The following MTCL1 variants were observed in gnomAD, a reference collection of about 807,000 sequenced individuals.
MTCL1 encodes the protein microtubule cross-linking factor 1.
In MTCL1, 79 loss-of-function variants were observed where a neutral mutation model predicts 141.4. The observed-to-expected ratio is 0.56, with a 90% CI of 0.47 to 0.67. MTCL1 has a LOEUF of 0.67. Ranked by LOEUF, MTCL1 falls within the 30% of genes least tolerant of loss-of-function variation. The pLI is 0.00. For synonymous variants in MTCL1, 914 were observed against 875.8 expected, an observed-to-expected ratio of 1.04 and a Z score of -0.77; for missense variants, 2,177 against 2,113.9, an observed-to-expected ratio of 1.03 and a Z score of -0.59.
At chr18:8,723,398 G>T (rs898390584) in intron 4 of MTCL1, among the ~76,000 whole-genome samples, 2 of 152,166 alleles carry the variant, frequency 1.3e-5, no homozygotes, top group Non-Finnish European at 2.9e-5. Context: ...ACTTTTTGTT[G>T]TTCACCTCTG....
exon 15 of MTCL1, chr18:8,825,670 C>T: frequency 1.2e-6 from 2 of 1,613,868 alleles, no homozygotes; most frequent in Non-Finnish European, 1.7e-6. Context: ...ACATGCTGCT[C>T]CCCCAAGTAT....
At chr18:8,798,175 G>A (rs1281351872) in exon 10 of MTCL1, 5 of 1,599,218 alleles carry the variant, frequency 3.1e-6, no homozygotes, top group African/African-American at 2.7e-5. Context: ...CCCAGACCAC[G>A]ACAGTGACCG....
At chr18:8,825,043 C>G (rs139524026) in exon 15 of MTCL1, 44 of 1,612,964 alleles carry the variant, frequency 2.7e-5, no homozygotes, top group Non-Finnish European at 3.6e-5. Flanking sequence ...CAGAAGCAGC[C>G]ACTGCGGAGC....
At chr18:8,813,877 G>A (rs2076567947) in intron 12 of MTCL1, among the ~76,000 whole-genome samples, 1 of 152,166 alleles carries the variant, frequency 6.6e-6, no homozygotes, top group South Asian at 2.1e-4. Context: ...TCTCTGCATT[G>A]CATCAGACTT....
chr18:8,823,209 A>G (rs1404222701), intron 14 of MTCL1, among the ~76,000 whole-genome samples: 1 of 151,566 alleles, frequency 6.6e-6, no homozygotes, highest in Non-Finnish European at 1.5e-5. Flanking sequence ...TTTTCTCATC[A>G]TGGTTTTGTT....
At chr18:8,827,168 G>A (rs12956170) in intron 15 of MTCL1, among the ~76,000 whole-genome samples, 15,219 of 152,300 alleles carry the variant, frequency 0.1, 953 homozygotes, top group African/African-American at 0.17. Context: ...CGCAGATGGC[G>A]GGGGTCAGAG....
rs2096057181 is a variant in MTCL1 at position 8,705,911 on chromosome 18, C to A, written c.251C>A (p.Ala84Glu). The A allele has an allele frequency of 9.2e-7, 1 of 1,085,704 alleles. No homozygotes were observed. Among genetic ancestry groups the A allele is most frequent in the Non-Finnish European group, 1.1e-6 (1 of 896,064 alleles). The allele number at this position is 1,085,704 out of a possible 1,614,324, so 67.3% of individuals were successfully genotyped here. A position where few individuals can be genotyped will look rare whatever the true frequency, so the allele number is the denominator to read the frequency against. ...CGCTCGCCCAACCTCGCGGGCAAAG[C>A]GCCGCCCTCGCCGGGGTCCCTGGCC... Residue 84 changes from alanine to glutamate, a missense_variant, in exon 1 of 14, where the codon GCG becomes GAG. Physicochemically the swap from Ala to Glu is moderately radical, Grantham distance 107. Coordinates refer to the MTCL1 transcript ENST00000306329. The surrounding 1 kb of genome is among the most constrained non-coding windows in gnomAD (Gnocchi z 5.2).
At chr18:8,722,692 T>C (rs766764587) in intron 4 of MTCL1, among the ~76,000 whole-genome samples, 3 of 152,064 alleles carry the variant, frequency 2.0e-5, no homozygotes, top group Non-Finnish European at 4.4e-5. Flanking sequence ...AAGAGGAGGG[T>C]TTGGTCTTGC....
chr18:8,763,063 AAAG>A (rs2149010155), intron 4 of MTCL1, among the ~76,000 whole-genome samples: 1 of 152,314 alleles, frequency 6.6e-6, no homozygotes, highest in East Asian at 1.9e-4. Flanking sequence ...CCAGCTGCAC[AAAG>A]AAATTCTTCT....
At chr18:8,772,262 C>A (rs753805033) in intron 4 of MTCL1, among the ~76,000 whole-genome samples, 1 of 152,154 alleles carries the variant, frequency 6.6e-6, no homozygotes, top group Non-Finnish European at 1.5e-5. Context: ...AGGCTATATT[C>A]GAAGGACCAA....
chr18:8,829,322 C>T, intron 16 of MTCL1: 3 of 985,342 alleles, frequency 3.0e-6, no homozygotes, highest in Non-Finnish European at 3.6e-6. Flanking sequence ...GTCTTTGGGC[C>T]CAGCCACCCA....
At chr18:8,715,056 A>G (rs1288087814), upstream of MTCL1, among the ~76,000 whole-genome samples, 2 of 152,306 alleles carry the variant, frequency 1.3e-5, no homozygotes, top group East Asian at 1.9e-4. Context: ...TCGGCCTCCC[A>G]AAGTGCTGGG....
At chr18:8,814,503 C>T (rs1216717491) in intron 12 of MTCL1, among the ~76,000 whole-genome samples, 1 of 152,236 alleles carries the variant, frequency 6.6e-6, no homozygotes, top group Non-Finnish European at 1.5e-5. Flanking sequence ...AAATGCAGCA[C>T]TTGTGAAGAG....
upstream of MTCL1, among the ~76,000 whole-genome samples, chr18:8,714,497 C>T (rs1444309057): frequency 6.6e-6 from 1 of 152,176 alleles, no homozygotes; most frequent in Non-Finnish European, 1.5e-5. Flanking sequence ...AATGGACTCA[C>T]AGTTCCACAT....
chr18:8,786,442 G>A lies in MTCL1; in HGVS notation c.1887+351G>A, dbSNP rs914494187. The A allele has an allele frequency of 8.3e-6, 4 of 482,420 alleles. No individual in the cohort carries two copies. The Admixed American group carries it at 9.4e-5, about 11-fold the overall frequency. The allele number at this position is 482,420 out of a possible 1,614,324, so 29.9% of individuals were successfully genotyped here. On this transcript the variant is annotated intron_variant, in intron 7 of 16. Transcript: ENST00000359865. The stretch of plus-strand genomic sequence containing the variant: ...AAAGAAGGGATGAAAACCCAGCACG[G>A]GCTTCCCTGCTCTGGAGGAAACTCT...
intron 4 of MTCL1, among the ~76,000 whole-genome samples, chr18:8,757,148 A>G (rs112654532): frequency 1.0e-3 from 156 of 152,332 alleles, no homozygotes; most frequent in African/African-American, 3.7e-3. Context: ...AGTACCTGAG[A>G]ATGAGAAATT....
At chr18:8,783,706 G>T in exon 6 of MTCL1, 2 of 1,607,846 alleles carry the variant, frequency 1.2e-6, no homozygotes, top group East Asian at 2.2e-5. Flanking sequence ...AAGCAGGCGG[G>T]CCCCCCAGCA....
chr18:8,795,788 G>A (rs886338245), intron 8 of MTCL1, among the ~76,000 whole-genome samples: 1 of 152,140 alleles, frequency 6.6e-6, no homozygotes, highest in Non-Finnish European at 1.5e-5. Context: ...GGGAGTCAGG[G>A]GGCTCAGGAA....
At chr18:8,785,495 C>T (rs919981207) in intron 6 of MTCL1, among the ~76,000 whole-genome samples, 4 of 152,292 alleles carry the variant, frequency 2.6e-5, no homozygotes, top group South Asian at 2.1e-4. Context: ...CCTAGCCTCG[C>T]CTGGGTGCAT....
Sources: allele counts gnomAD v4.1 joint callset (sites outside exome capture counted in the v4.1 genomes callset), GRCh38; gene constraint gnomAD v4.1.1; non-coding constraint Gnocchi (gnomAD v3.1); transcripts MANE v1.5; gene names NCBI Gene and HGNC (gene_info 2026-07-23, HGNC 2026-07-21).